Variants in AADAT observed in about 807,000 individuals in gnomAD.
The protein encoded by AADAT is kynurenine/alpha-aminoadipate aminotransferase, mitochondrial.
A neutral mutation model predicts 56.2 loss-of-function variants in AADAT; 25 were observed. That is an observed-to-expected ratio of 0.44 (90% CI 0.32 to 0.62). AADAT has a LOEUF of 0.62. AADAT is among the 20% of genes least tolerant of loss of function. AADAT has a pLI of 0.04. For synonymous variants in AADAT, 173 were observed against 164.7 expected (o/e 1.05, Z -0.39); for missense variants, 387 against 510.5 (o/e 0.76, Z 2.33).
intron 7 of AADAT, 81 bp from the exon 8 acceptor site, chr4:170,068,768 A>T: frequency 1.1e-6 from 1 of 897,848 alleles, no homozygotes; most frequent in South Asian, 1.7e-5. Flanking sequence ...CATTAGACAG[A>T]CAATTGTGAC....
chr4:170,070,094 CTT>C (rs1250798397), intron 6 of AADAT, among the ~76,000 whole-genome samples: 10 of 152,132 alleles, frequency 6.6e-5, no homozygotes, highest in Non-Finnish European at 1.5e-5. Context: ...GATGCCTCCT[CTT>C]GTGTCCATCG....
chr4:170,066,750 A>T (rs41278617), intron 9 of AADAT, among the ~76,000 whole-genome samples: 2,496 of 152,272 alleles, frequency 0.016, 32 homozygotes, highest in Non-Finnish European at 0.024. Context: ...TAGCAGGATC[A>T]ATCTTTGTGT....
At chr4:170,070,770 T>A in intron 5 of AADAT, 118 bp from the exon 6 acceptor site, 1 of 676,812 alleles carries the variant, frequency 1.5e-6, no homozygotes, top group Non-Finnish European at 2.4e-6. Flanking sequence ...CTACTGTGTG[T>A]CTATTGTCTT....
intron 2 of AADAT, among the ~76,000 whole-genome samples, 172 bp from the exon 3 acceptor site, chr4:170,087,420 T>G (rs1732617444): frequency 6.6e-6 from 1 of 152,228 alleles, no homozygotes. Flanking sequence ...GCAGTAGACT[T>G]AGAGATTAGG....
Position 170,088,575 on chromosome 4 carries a change from C to T in AADAT, c.68-11G>A, listed in dbSNP as rs759314196. 3.8e-6 allele frequency: 6 copies of T among 1,594,708 alleles called. No homozygotes were observed. In the South Asian group the frequency reaches 6.7e-5, roughly 18 times the overall value. On this transcript the variant is annotated splice_polypyrimidine_tract_variant and intron_variant, in intron 1 of 12. Transcript: ENST00000337664. ...TGCTCAATATGTCAGCTACAATACACATGGAAGAGAAGAAACAATTTCATT... is the reference window on the plus strand; with the variant it reads ...TGCTCAATATGTCAGCTACAATACATATGGAAGAGAAGAAACAATTTCATT...
intron 11 of AADAT, 122 bp from the exon 12 acceptor site, chr4:170,062,115 C>T: frequency 3.7e-6 from 2 of 541,954 alleles, no homozygotes; most frequent in Non-Finnish European, 6.2e-6. Context: ...AAAGAAATCA[C>T]AAGAAAAAAT....
Position 170,073,149 on chromosome 4 carries a change from T to A in AADAT, c.641A>T (p.Lys214Met). 1 of 1,614,074 alleles carries A rather than the reference T, an allele frequency of 6.2e-7. No individual in the cohort carries two copies. ...TGNSLTSERK[K>M]EIYELARKYD... is the part of the protein sequence containing the mutation. The stretch of plus-strand genomic sequence containing the variant: ...CTTCTACAATACCTCATAGATTTCC[T>A]TTTTGCGTTCACTGGTTAATGAGTT... The change falls in exon 5 of 13, where the codon AAG becomes ATG. Residue 214 changes from lysine to methionine, a missense_variant. Transcript: ENST00000337664.
rs978991799 is a variant in AADAT, at chr4:170,088,032, T to C, written c.236+364A>G. On this transcript the variant is annotated intron_variant, in intron 2 of 12. Coordinates refer to ENST00000337664, the MANE Select transcript of AADAT (RefSeq NM_016228.4). ...TTCCGTTTCTTCATTTCTCCTGATATGTTTGTTTCACCTGGACATCTTCTC... is the reference window on the plus strand; with the variant it reads ...TTCCGTTTCTTCATTTCTCCTGATACGTTTGTTTCACCTGGACATCTTCTC... Among the ~76,000 whole-genome samples, 8 of 151,342 alleles carry C rather than the reference T, an allele frequency of 5.3e-5. No individual in the cohort carries two copies. The South Asian group carries it at 1.0e-3, about 20-fold the overall frequency.
Position 170,088,462 on chromosome 4 carries a change from T to C in AADAT, c.170A>G (p.Asn57Ser), listed in dbSNP as rs1448811842. 6.2e-7 allele frequency: 1 copy of C among 1,613,518 alleles called. No homozygotes were observed. The highest frequency in any genetic ancestry group is 8.5e-7 in the Non-Finnish European group (1 of 1,179,518). ...TTCTCCAAATTGGATGGTCTTTCCATTTTCTACAGTGATTACGGCAGTCTT... is the reference window on the plus strand; with the variant it reads ...TTCTCCAAATTGGATGGTCTTTCCACTTTCTACAGTGATTACGGCAGTCTT... ...PFKTAVITVENGKTIQFGEEM... is the reference protein window; with the variant it reads ...PFKTAVITVESGKTIQFGEEM... The change falls in exon 2 of 13, where the codon AAT becomes AGT. Residue 57 changes from asparagine to serine, a missense_variant. Transcript: ENST00000337664.
At chr4:170,091,939 G>C (rs1434082153), upstream of AADAT, among the ~76,000 whole-genome samples, 3 of 152,208 alleles carry the variant, frequency 2.0e-5, no homozygotes, top group Non-Finnish European at 4.4e-5. Flanking sequence ...CTAGCTCAGG[G>C]TTTGTAAATA....
chr4:170,091,893 T>G (rs1035781862), upstream of AADAT, among the ~76,000 whole-genome samples: 2 of 152,222 alleles, frequency 1.3e-5, no homozygotes, highest in African/African-American at 2.4e-5. Flanking sequence ...TGTATCTAAC[T>G]CATGGTTTGT....
At position 170,068,697 on chromosome 4, in the gene AADAT, A is replaced by C; in HGVS notation, c.804-10T>G. 6.5e-7 allele frequency: 1 copy of C among 1,549,818 alleles called. No individual in the cohort carries two copies. The highest frequency in any genetic ancestry group is 8.7e-7 in the Non-Finnish European group (1 of 1,143,200). ...AAATCCTATTCTCAACCTACGTGGA[A>C]AGAGAAAAGGCACGATACCAATTCC... On this transcript the variant is annotated splice_polypyrimidine_tract_variant and intron_variant, in intron 7 of 12. Coordinates refer to ENST00000337664, the MANE Select transcript of AADAT (RefSeq NM_016228.4).
chr4:170,092,357 CGAGCTGTCTTAA>C (rs1430374049), upstream of AADAT, among the ~76,000 whole-genome samples: 2 of 152,252 alleles, frequency 1.3e-5, no homozygotes, highest in East Asian at 1.9e-4. Flanking sequence ...CAAATCCAGC[CGAGCTGTCTTAA>C]GAGCTGTAAC....
At chr4:170,078,778 C>T (rs1732160536) in intron 3 of AADAT, among the ~76,000 whole-genome samples, 195 bp from the exon 4 acceptor site, 1 of 152,102 alleles carries the variant, frequency 6.6e-6, no homozygotes, top group African/African-American at 2.4e-5. Context: ...TACTCTGCCT[C>T]TATAGTGAAA....
At chr4:170,064,894 T>C in intron 10 of AADAT, 69 bp from the exon 11 acceptor site, 2 of 1,344,830 alleles carry the variant, frequency 1.5e-6, no homozygotes, top group Non-Finnish European at 2.1e-6. Flanking sequence ...AAGTGTGTTG[T>C]TAAATGGCAT....
At chr4:170,072,417 G>T (rs1158406143) in intron 5 of AADAT, among the ~76,000 whole-genome samples, 3 of 152,100 alleles carry the variant, frequency 2.0e-5, no homozygotes, top group Non-Finnish European at 4.4e-5. Flanking sequence ...TTACAGGCGT[G>T]AGCCACTGCA....
chr4:170,087,654 T>A (rs1310064100), intron 2 of AADAT, among the ~76,000 whole-genome samples: 1 of 152,178 alleles, frequency 6.6e-6, no homozygotes, highest in Non-Finnish European at 1.5e-5. Flanking sequence ...CCTATGTATA[T>A]TTAACATATT....
chr4:170,093,680 C>T (rs942014972), upstream of AADAT, among the ~76,000 whole-genome samples: 2 of 152,174 alleles, frequency 1.3e-5, no homozygotes, highest in Non-Finnish European at 2.9e-5. Flanking sequence ...ACTGCAGCCT[C>T]GTCTTCCCGG....
At chr4:170,066,353 T>C in intron 10 of AADAT, 61 bp downstream of exon 10, 1 of 1,391,592 alleles carries the variant, frequency 7.2e-7, no homozygotes, top group South Asian at 1.2e-5. Context: ...TATTCAGTGT[T>C]TATCCCCTAC....
Sources: gnomAD v4.1 joint callset for allele counts (sites outside exome capture counted in the v4.1 genomes callset) on GRCh38, gnomAD v4.1.1 for gene constraint, MANE v1.5 for transcripts, NCBI Gene and HGNC (gene_info 2026-07-23, HGNC 2026-07-21) for gene names.